The following CS variants were observed in gnomAD, a reference collection of about 807,000 sequenced individuals.
CS encodes citrate synthase, mitochondrial.
A neutral mutation model predicts 61.4 loss-of-function variants in CS; 13 were observed. That is an observed-to-expected ratio of 0.21 (90% CI 0.14 to 0.34). The LOEUF (loss-of-function observed/expected upper bound fraction) is 0.34. CS is among the 10% of genes least tolerant of loss of function. CS has a pLI of 1.00. For synonymous variants in CS, 159 were observed against 215.2 expected (o/e 0.74, Z 2.29); for missense variants, 278 against 573.4 (o/e 0.48, Z 5.26).
chr12:56,279,883 G>A lies in CS; in HGVS notation c.588+2537C>T, dbSNP rs111826581. Among the ~76,000 whole-genome samples the A allele has an allele frequency of 1.3e-4, 19 of 150,800 alleles. 1 individual carries two copies. Among genetic ancestry groups the A allele is most frequent in the Admixed American group, 3.3e-4 (5 of 15,150 alleles). ...CCGGGGAGGCTGAGGCAGGAGAATC[G>A]CTTGAACCCAGGAGGCAGAGGTTGT... On this transcript the variant is annotated intron_variant, in intron 6 of 10. Transcript: ENST00000351328.
chr12:56,293,671 G>A (rs922078370), intron 1 of CS, among the ~76,000 whole-genome samples: 1 of 152,128 alleles, frequency 6.6e-6, no homozygotes, highest in African/African-American at 2.4e-5. Flanking sequence ...CTGAGATTGC[G>A]CCATTGCACT....
At chr12:56,293,369 C>T (rs1873193599) in intron 1 of CS, among the ~76,000 whole-genome samples, 1 of 152,172 alleles carries the variant, frequency 6.6e-6, no homozygotes, top group African/African-American at 2.4e-5. Context: ...CCTATAATCC[C>T]AGCATTTCTG....
chr12:56,272,766 G>C lies in CS; in HGVS notation c.*318C>G. Reference sequence around the variant, plus strand: ...TTCTCTGCAACCGGCTTTGACCCATGGAAACAGGAGCCAGATTCTCACTCT... The same window carrying C: ...TTCTCTGCAACCGGCTTTGACCCATCGAAACAGGAGCCAGATTCTCACTCT... On this transcript the variant is annotated 3_prime_UTR_variant, in exon 11 of 11. Coordinates refer to ENST00000351328, the MANE Select transcript of CS (RefSeq NM_004077.3). The C allele has an allele frequency of 4.9e-6, 1 of 203,294 alleles. No individual in the cohort carries two copies. Among genetic ancestry groups the C allele is most frequent in the South Asian group, 9.6e-5 (1 of 10,388 alleles). 12.6% of individuals were successfully genotyped at this position (203,294 alleles called of 1,614,324 possible). A position where few individuals can be genotyped will look rare whatever the true frequency, so the allele number is the denominator to read the frequency against.
At chr12:56,283,459 G>A (rs964156901) in intron 4 of CS, among the ~76,000 whole-genome samples, 19 of 151,940 alleles carry the variant, frequency 1.3e-4, no homozygotes, top group South Asian at 4.2e-4. Context: ...TAGCCAGGAC[G>A]GTCTCAACCT....
chr12:56,286,207 G>A, intron 2 of CS, 184 bp from the exon 3 acceptor site: 1 of 590,896 alleles, frequency 1.7e-6, no homozygotes, highest in Non-Finnish European at 3.0e-6. Context: ...AGGAGTTAAT[G>A]TTTAATGGGA....
chr12:56,283,880 G>GAAAA, intron 3 of CS, 23 bp from the exon 4 acceptor site: 3 of 1,389,098 alleles, frequency 2.2e-6, no homozygotes, highest in Non-Finnish European at 2.9e-6. Context: ...AAGAAAGAAG[G>GAAAA]AAAAAAAAAA....
chr12:56,291,352 T>A, intron 1 of CS: 2 of 859,114 alleles, frequency 2.3e-6, no homozygotes, highest in Non-Finnish European at 2.8e-6. Flanking sequence ...TTTCTTTCTT[T>A]CTTTTTTTTT....
intron 9 of CS, chr12:56,274,060 T>C (rs1277486689): frequency 8.8e-6 from 4 of 452,666 alleles, no homozygotes; most frequent in Non-Finnish European, 1.6e-5. Context: ...ATGCCTGTAA[T>C]CCCAGCACTT....
chr12:56,273,909 C>T (rs574886203), intron 9 of CS, 113 bp from the exon 10 acceptor site: 12 of 876,254 alleles, frequency 1.4e-5, no homozygotes, highest in Admixed American at 2.0e-5. Context: ...TCACATCTCA[C>T]GGCAGCCTCG....
chr12:56,298,737 C>A (rs986481478), intron 1 of CS: 1 of 954,142 alleles, frequency 1.0e-6, no homozygotes, highest in African/African-American at 1.8e-5. Flanking sequence ...TTGTGCCAAC[C>A]ATGAAAAATA....
chr12:56,283,548 C>G (rs1651408443), intron 4 of CS, among the ~76,000 whole-genome samples: 1 of 152,112 alleles, frequency 6.6e-6, no homozygotes, highest in African/African-American at 2.4e-5. Flanking sequence ...CAGTCCAGAA[C>G]AGAACTTTAA....
chr12:56,290,575 T>TA (rs545813275), intron 1 of CS, among the ~76,000 whole-genome samples: 78 of 147,544 alleles, frequency 5.3e-4, no homozygotes, highest in African/African-American at 1.7e-3. Context: ...ACCTGAAGCT[T>TA]AAAAAAAAAA....
chr12:56,283,306 C>CG (rs1385398763), intron 4 of CS, among the ~76,000 whole-genome samples: 1 of 152,036 alleles, frequency 6.6e-6, no homozygotes, highest in East Asian at 1.9e-4. Flanking sequence ...TGCAGTGGTG[C>CG]GATCTCGGCT....
intron 1 of CS, among the ~76,000 whole-genome samples, chr12:56,294,351 G>A (rs897419051): frequency 6.6e-6 from 1 of 151,012 alleles, no homozygotes; most frequent in Non-Finnish European, 1.5e-5. Context: ...GCGCACACCT[G>A]TAATCTCAGC....
chr12:56,273,381 A>G, intron 10 of CS, 127 bp from the exon 11 acceptor site: 1 of 1,086,226 alleles, frequency 9.2e-7, no homozygotes, highest in South Asian at 1.6e-5. Flanking sequence ...AGTCAACCTT[A>G]AATAGAAATG....
intron 7 of CS, 32 bp downstream of exon 7, chr12:56,275,964 C>A: frequency 6.2e-7 from 1 of 1,604,312 alleles, no homozygotes; most frequent in East Asian, 2.2e-5. Context: ...AATTGAGGCA[C>A]CTAGTGGCTG....
At chr12:56,277,472 C>G (rs1872655973) in intron 6 of CS, among the ~76,000 whole-genome samples, 1 of 150,902 alleles carries the variant, frequency 6.6e-6, no homozygotes, top group African/African-American at 2.4e-5. Flanking sequence ...GTACTCCAGC[C>G]TGGGCGACAG....
Position 56,273,273 on chromosome 12 carries a change from A to G in CS, c.1231-19T>C. 6.2e-7 allele frequency: 1 copy of G among 1,611,326 alleles called. No homozygotes were observed. The highest frequency in any genetic ancestry group is 8.5e-7 in the Non-Finnish European group (1 of 1,178,292). On this transcript the variant is annotated intron_variant, in intron 10 of 10. Transcript: ENST00000351328. The stretch of plus-strand genomic sequence containing the variant: ...CATAATACTGTAAGGTAGAAGAGAA[A>G]AATATTTCATTTAAGGCAGAGGCAG...
chr12:56,283,404 C>T (rs572362918), intron 4 of CS, among the ~76,000 whole-genome samples: 14 of 152,124 alleles, frequency 9.2e-5, no homozygotes, highest in South Asian at 8.3e-4. Context: ...CCACCATGCC[C>T]GGCTAATTTT....
Sources: allele counts gnomAD v4.1 joint callset (sites outside exome capture counted in the v4.1 genomes callset), GRCh38; gene constraint gnomAD v4.1.1; transcripts MANE v1.5; gene names NCBI Gene and HGNC (gene_info 2026-07-23, HGNC 2026-07-21).